PMVK: variants seen among roughly 807,000 people sequenced by gnomAD.
PMVK encodes phosphomevalonate kinase.
A neutral mutation model predicts 19.0 loss-of-function variants in PMVK; 10 were observed. That is an observed-to-expected ratio of 0.53 (90% CI 0.32 to 0.89). PMVK has a LOEUF of 0.89. Among genes scored for constraint, PMVK ranks in the 40% least tolerant of loss-of-function variants. The pLI is 0.03. For missense variants in PMVK, 222 were observed against 251.1 expected, an observed-to-expected ratio of 0.88 and a Z score of 0.78; for synonymous variants, 108 against 101.6, an observed-to-expected ratio of 1.06 and a Z score of -0.38.
At chr1:154,933,252 G>C (rs570413757) in intron 1 of PMVK, among the ~76,000 whole-genome samples, 1 of 151,958 alleles carries the variant, frequency 6.6e-6, no homozygotes, top group Admixed American at 6.6e-5. Context: ...TGACCAACAC[G>C]GTGAAACCCT....
intron 2 of PMVK, among the ~76,000 whole-genome samples, chr1:154,930,230 C>T (rs1018075138): frequency 3.3e-5 from 5 of 152,140 alleles, no homozygotes; most frequent in East Asian, 1.9e-4. Context: ...GAGGCCGAGG[C>T]GGGCAGATCA....
chr1:154,942,000 C>T, the PMVK span, among the ~76,000 whole-genome samples: 1 of 152,044 alleles, frequency 6.6e-6, no homozygotes, highest in Non-Finnish European at 1.5e-5. Flanking sequence ...CTGGGGACTA[C>T]CAGGAAATGA....
intron 1 of PMVK, among the ~76,000 whole-genome samples, chr1:154,933,540 C>T (rs1201228324): frequency 7.5e-6 from 1 of 133,508 alleles, no homozygotes; most frequent in Admixed American, 7.6e-5. Context: ...ACCACCCAGG[C>T]TGGAGTGCAA....
intron 1 of PMVK, chr1:154,936,277 T>C: frequency 1.9e-6 from 1 of 524,434 alleles, no homozygotes; most frequent in Non-Finnish European, 2.4e-6. Flanking sequence ...AGGCGGGGTC[T>C]CGCCATGTTG....
At position 154,924,930 on chromosome 1, in the gene PMVK, A is replaced by G. The variant is rs1654091801; in HGVS notation, c.*199T>C. The G allele has an allele frequency of 1.6e-6, 1 of 608,568 alleles. No homozygotes were observed. Among genetic ancestry groups the G allele is most frequent in the Non-Finnish European group, 2.9e-6 (1 of 344,374 alleles). The allele number at this position is 608,568 out of a possible 1,614,324, so 37.7% of individuals were successfully genotyped here. On this transcript the variant is annotated 3_prime_UTR_variant, in exon 5 of 5. Transcript: ENST00000368467. Reference sequence around the variant, plus strand: ...CTTTGCCCTTGGAGTCTCCTCCTGAAGAGCATGGCTGTCTTCCCCATGGAG... The same window carrying G: ...CTTTGCCCTTGGAGTCTCCTCCTGAGGAGCATGGCTGTCTTCCCCATGGAG...
At chr1:154,928,821 AG>A (rs1327637489) in intron 3 of PMVK, among the ~76,000 whole-genome samples, 21 of 146,064 alleles carry the variant, frequency 1.4e-4, no homozygotes, top group African/African-American at 4.3e-4. Flanking sequence ...AAATAATAAA[AG>A]GTCAGTCTGG....
At chr1:154,936,748 C>T, upstream of PMVK, 1 of 1,414,684 alleles carries the variant, frequency 7.1e-7, no homozygotes, top group Non-Finnish European at 9.7e-7. Flanking sequence ...AATCGGGACA[C>T]CGCGCGGAAT....
At chr1:154,928,071 T>C (rs757562815) in intron 3 of PMVK, among the ~76,000 whole-genome samples, 3 of 152,094 alleles carry the variant, frequency 2.0e-5, no homozygotes, top group Non-Finnish European at 4.4e-5. Flanking sequence ...AAGTAGACAC[T>C]CAATATTCAC....
intron 1 of PMVK, among the ~76,000 whole-genome samples, chr1:154,933,324 T>G (rs995922492): frequency 6.6e-6 from 1 of 151,178 alleles, no homozygotes; most frequent in African/African-American, 2.4e-5. Context: ...TCCCAGCTAC[T>G]CGGGAGGCTG....
At chr1:154,932,304 TG>T in intron 2 of PMVK, 47 bp downstream of exon 2, 1 of 1,400,988 alleles carries the variant, frequency 7.1e-7, no homozygotes, top group Non-Finnish European at 1.0e-6. Context: ...TCCAAAGTCC[TG>T]GAGCCGGCCC....
chr1:154,936,928 C>T (rs1654528023), upstream of PMVK: 2 of 517,234 alleles, frequency 3.9e-6, no homozygotes, highest in South Asian at 4.1e-5. Flanking sequence ...ACAGAGCAGC[C>T]TCCCCTCGTG....
At chr1:154,932,148 A>G (rs1654355033) in intron 2 of PMVK, among the ~76,000 whole-genome samples, 1 of 151,994 alleles carries the variant, frequency 6.6e-6, no homozygotes, top group Non-Finnish European at 1.5e-5. Flanking sequence ...TCCTGAACTC[A>G]CTCTGAAGGG....
At chr1:154,935,864 A>AT (rs1403467935) in intron 1 of PMVK, among the ~76,000 whole-genome samples, 3 of 151,576 alleles carry the variant, frequency 2.0e-5, no homozygotes, top group Non-Finnish European at 4.4e-5. Flanking sequence ...TAACTTTTCC[A>AT]TTTTTTTGTA....
chr1:154,929,067 A>C lies in PMVK; in HGVS notation c.269T>G (p.Phe90Cys), dbSNP rs1654257262. Residue 90 changes from phenylalanine to cysteine, a missense_variant, in exon 3 of 5, where the codon TTC (phenylalanine) becomes TGC (cysteine). Transcript: ENST00000368467. ...GCCCTCCACAATCTTCCTGCAAAAG[A>C]AGCCTGGGTCAGCCTGGCGTTTCTC... The part of the protein sequence containing the change: ...GEEKRQADPG[F>C]FCRKIVEGIS... 1 of 1,614,212 alleles carries C rather than the reference A, an allele frequency of 6.2e-7. No homozygotes were observed. Among genetic ancestry groups the C allele is most frequent in the South Asian group, 1.1e-5 (1 of 91,092 alleles).
chr1:154,939,142 C>T (rs954919683), upstream of PMVK, among the ~76,000 whole-genome samples: 2 of 152,174 alleles, frequency 1.3e-5, no homozygotes, highest in Non-Finnish European at 2.9e-5. Flanking sequence ...CTGCTCAATC[C>T]CTTGGCCCTG....
chr1:154,936,441 G>A, intron 1 of PMVK, 150 bp downstream of exon 1: 4 of 1,457,828 alleles, frequency 2.7e-6, no homozygotes, highest in Non-Finnish European at 3.6e-6. Flanking sequence ...TTATGTAATG[G>A]TGGCATTCCA....
chr1:154,928,797 A>G (rs1392813414), intron 3 of PMVK, among the ~76,000 whole-genome samples: 2 of 151,332 alleles, frequency 1.3e-5, no homozygotes, highest in East Asian at 3.9e-4. Context: ...AAATAAATAA[A>G]TAAATAAATA....
At chr1:154,932,555 C>G (rs757926858) in intron 1 of PMVK, 140 bp from the exon 2 acceptor site, 7 of 582,240 alleles carry the variant, frequency 1.2e-5, no homozygotes, top group Non-Finnish European at 2.2e-5. Context: ...CTCAATGTCC[C>G]TGATCCTGTT....
At chr1:154,939,719 A>G (rs184547867), upstream of PMVK, among the ~76,000 whole-genome samples, 216 of 141,378 alleles carry the variant, frequency 1.5e-3, 1 homozygote, top group East Asian at 0.026. Context: ...AAAAAAAAAA[A>G]AAAGAAAGAA....
Sources: gnomAD v4.1 joint callset for allele counts (sites outside exome capture counted in the v4.1 genomes callset) on GRCh38, gnomAD v4.1.1 for gene constraint, MANE v1.5 for transcripts, NCBI Gene and HGNC (gene_info 2026-07-23, HGNC 2026-07-21) for gene names.